Variants in ESPNL observed in about 807,000 individuals in gnomAD.
ESPNL encodes espin-like protein.
ESPNL carries 49 observed loss-of-function variants against 46.8 expected under a neutral mutation model. That is an observed-to-expected ratio of 1.05 (90% CI 0.83 to 1.33). ESPNL has a LOEUF of 1.33. ESPNL is among the 40% of genes most tolerant of loss of function. The pLI, the probability that ESPNL is intolerant of heterozygous loss-of-function variation, is 0.00. For missense variants in ESPNL, 1,540 were observed against 1,436.6 expected (o/e 1.07, Z -1.16); for synonymous variants, 664 against 662.1 (o/e 1.00, Z -0.04).
chr2:238,102,623 C>T (rs1254570805), intron 2 of ESPNL, among the ~76,000 whole-genome samples: 1 of 152,244 alleles, frequency 6.6e-6, no homozygotes, highest in African/African-American at 2.4e-5. Context: ...CTGGCCTCAT[C>T]GTCTCTGGGG....
chr2:238,115,549 G>A (rs80151374), intron 4 of ESPNL, among the ~76,000 whole-genome samples: 1,744 of 152,326 alleles, frequency 0.011, 35 homozygotes, highest in African/African-American at 0.04. Context: ...ATTTACTCAC[G>A]GCATGGCACA....
chr2:238,131,340 A>C lies in ESPNL; in HGVS notation c.2626A>C (p.Lys876Gln), dbSNP rs149541007. Residue 876 changes from lysine (K) to glutamine (Q), a missense_variant, in exon 9 of 9, where the codon AAG becomes CAG. Physicochemically the swap from Lys to Gln is moderately conservative, Grantham distance 53 (BLOSUM62 1). Transcript: ENST00000343063. The stretch of plus-strand genomic sequence containing the variant: ...GTGCGACCTGCCGGCGGAGGAGCGG[A>C]AGCTGCGCCACCTGCTGTGCTTCGA... ...LECDLPAEER[K>Q]LRHLLCFEVF... 6.3e-7 allele frequency: 1 copy of C among 1,593,268 alleles called. No individual in the cohort carries two copies. The highest frequency in any genetic ancestry group is 1.3e-5 in the African/African-American group (1 of 74,588).
intron 7 of ESPNL, among the ~76,000 whole-genome samples, chr2:238,128,158 C>T (rs1287792124): frequency 6.6e-6 from 1 of 152,214 alleles, no homozygotes; most frequent in African/African-American, 2.4e-5. Context: ...CTTACTCTCC[C>T]TTTCCTGGGC....
At position 238,131,801 on chromosome 2, in the gene ESPNL, G is replaced by A; in HGVS notation, c.*69G>A. The A allele has an allele frequency of 6.6e-7, 1 of 1,505,344 alleles. No homozygotes were observed. The highest frequency in any genetic ancestry group is 1.4e-5 in the African/African-American group (1 of 71,900). 93.2% of individuals were successfully genotyped at this position (1,505,344 alleles called of 1,614,324 possible). On this transcript the variant is annotated 3_prime_UTR_variant, in exon 9 of 9. Coordinates refer to ENST00000343063, the MANE Select transcript of ESPNL (RefSeq NM_194312.4). Reference sequence around the variant, plus strand: ...TTGGAGTTTCTCTTTTCTTTTCCTTGCTCACACCCTTGGTGTTCAGGTGAG... The same window carrying A: ...TTGGAGTTTCTCTTTTCTTTTCCTTACTCACACCCTTGGTGTTCAGGTGAG...
chr2:238,104,294 C>T (rs547747195), intron 2 of ESPNL, among the ~76,000 whole-genome samples: 11 of 152,196 alleles, frequency 7.2e-5, no homozygotes, highest in Non-Finnish European at 1.2e-4. Context: ...AGGCACCCAG[C>T]GCCACCTGCC....
Position 238,131,655 on chromosome 2 carries a change from G to A in ESPNL, c.2941G>A (p.Asp981Asn). 5 of 1,606,506 alleles carry A rather than the reference G, an allele frequency of 3.1e-6. No individual in the cohort carries two copies. Among genetic ancestry groups the A allele is most frequent in the Non-Finnish European group, 4.3e-6 (5 of 1,174,678 alleles). Residue 981 changes from aspartate (D) to asparagine (N), a missense_variant, in exon 9 of 9, where the codon GAC (aspartate) becomes AAC (asparagine). Physicochemically the swap from Asp to Asn is conservative, Grantham distance 23. Coordinates refer to ENST00000343063, the MANE Select transcript of ESPNL (RefSeq NM_194312.4). ...RSQQGSFNGE[D>N]ICGYINRSFA... ...CCAGCAGGGCAGCTTCAACGGTGAG[G>A]ACATCTGCGGCTACATCAACCGCAG...
chr2:238,104,784 G>A lies in ESPNL; in HGVS notation c.614G>A (p.Gly205Asp). 1 of 1,591,798 alleles carries A rather than the reference G, an allele frequency of 6.3e-7. No individual in the cohort carries two copies. Among genetic ancestry groups the A allele is most frequent in the Non-Finnish European group, 8.5e-7 (1 of 1,171,354 alleles). Reference protein sequence around the residue: ...GADVHLRALDGMSALHAAAAR... With the variant: ...GADVHLRALDDMSALHAAAAR... ...GACGTGCACCTTCGTGCTCTCGATG[G>A]CATGAGCGCCCTGCACGCTGCCGCC... The change falls in exon 3 of 9, where the codon GGC becomes GAC. Residue 205 changes from glycine (G) to aspartate (D), a missense_variant. By Grantham distance (94) the Gly-to-Asp change is moderately conservative. Transcript: ENST00000343063.
chr2:238,128,629 C>A (rs1692197383), intron 7 of ESPNL, 78 bp from the exon 8 acceptor site: 3 of 1,438,802 alleles, frequency 2.1e-6, no homozygotes, highest in African/African-American at 2.8e-5. Context: ...AGCCAACCCC[C>A]CACGTCCTCT....
intron 5 of ESPNL, among the ~76,000 whole-genome samples, chr2:238,119,252 TGGA>T (rs1382016564): frequency 2.2e-4 from 24 of 107,540 alleles, no homozygotes; most frequent in Middle Eastern, 6.5e-3. Context: ...AGAGGATGGA[TGGA>T]GGAGAAATGG....
chr2:238,101,959 G>T lies in ESPNL; in HGVS notation c.313G>T (p.Val105Phe). 2 of 1,609,140 alleles carry T rather than the reference G, an allele frequency of 1.2e-6. No homozygotes were observed. Among genetic ancestry groups the T allele is most frequent in the Non-Finnish European group, 1.7e-6 (2 of 1,179,310 alleles). Residue 105 changes from valine (V) to phenylalanine (F), a missense_variant, in exon 2 of 9, where the codon GTC (valine) becomes TTC (phenylalanine). Coordinates refer to ENST00000343063, the MANE Select transcript of ESPNL (RefSeq NM_194312.4). ...CGLQDQDASG[V>F]SPLHLAARFG... ...TTGGTAGGACCAAGATGCCTCGGGC[G>T]TCTCCCCGCTGCACCTGGCCGCCCG...
At chr2:238,107,460 C>T (rs991915888) in intron 3 of ESPNL, among the ~76,000 whole-genome samples, 1 of 141,574 alleles carries the variant, frequency 7.1e-6, no homozygotes, top group Non-Finnish European at 1.5e-5. Context: ...TCCCTTCCTT[C>T]TCTCCTCTCC....
intron 4 of ESPNL, among the ~76,000 whole-genome samples, chr2:238,109,413 G>A (rs1691668783): frequency 6.6e-6 from 1 of 152,174 alleles, no homozygotes. Flanking sequence ...ACACAACAGC[G>A]TGTCATCACC....
chr2:238,111,217 G>A (rs1302417629), intron 4 of ESPNL, among the ~76,000 whole-genome samples: 5 of 152,070 alleles, frequency 3.3e-5, no homozygotes, highest in South Asian at 2.1e-4. Context: ...ATGAGCTACC[G>A]TGCCCGGCCT....
Position 238,100,692 on chromosome 2 carries a change from C to T in ESPNL, c.273C>T (p.Arg91=), listed in dbSNP as rs1294466675. Residue 91 remains arginine (R), a synonymous_variant, in exon 1 of 9, where the codon CGC becomes CGT. Transcript: ENST00000343063. ...GSLAELCWLV[R]EGGCGLQDQD... ...TGGCCGAGCTGTGCTGGCTGGTCCG[C>T]GAGGGGGGCTGCGGTCTGCAGGTGA... The T allele has an allele frequency of 9.8e-6, 14 of 1,430,472 alleles. No homozygotes were observed. The highest frequency in any genetic ancestry group is 9.0e-5 in the African/African-American group (6 of 66,470). The allele number at this position is 1,430,472 out of a possible 1,614,324, so 88.6% of individuals were successfully genotyped here. A position where few individuals can be genotyped will look rare whatever the true frequency, so the allele number is the denominator to read the frequency against.
rs745434320 is a variant in ESPNL, at chr2:238,101,979, C to T, written c.333C>T (p.Ala111=). 3.1e-5 allele frequency: 50 copies of T among 1,610,372 alleles called. 2 individuals carry two copies. The highest frequency in any genetic ancestry group is 7.7e-5 in the South Asian group (7 of 90,856). ...CGGGCGTCTCCCCGCTGCACCTGGCCGCCCGTTTTGGACACCCAGTGCTGG... is the reference window on the plus strand; with the variant it reads ...CGGGCGTCTCCCCGCTGCACCTGGCTGCCCGTTTTGGACACCCAGTGCTGG... ...DASGVSPLHL[A]ARFGHPVLVE... The change falls in exon 2 of 9, where the codon GCC becomes GCT. Residue 111 remains alanine (A), a synonymous_variant. Transcript: ENST00000343063.
chr2:238,102,274 G>A (rs1691503345), intron 2 of ESPNL, 143 bp downstream of exon 2: 3 of 735,458 alleles, frequency 4.1e-6, no homozygotes, highest in South Asian at 1.9e-5. Context: ...GTGGGGGTGA[G>A]CTGGCAGGAG....
rs1296660328 is a variant in ESPNL at position 238,128,892 on chromosome 2, C to T, written c.1401C>T (p.Ser467=). ...KLQARLGAES[S]AEAQDNGGSS... ...AGGCGCGCCTGGGCGCAGAGAGCTCCGCAGAGGCCCAGGTAGGCCCCCGGC... is the reference window on the plus strand; with the variant it reads ...AGGCGCGCCTGGGCGCAGAGAGCTCTGCAGAGGCCCAGGTAGGCCCCCGGC... Residue 467 remains serine, a synonymous_variant, in exon 8 of 9, where the codon TCC becomes TCT. Coordinates refer to ENST00000343063, the MANE Select transcript of ESPNL (RefSeq NM_194312.4). 6 of 1,541,506 alleles carry T rather than the reference C, an allele frequency of 3.9e-6. No homozygotes were observed. Among genetic ancestry groups the T allele is most frequent in the Admixed American group, 3.9e-5 (2 of 50,924 alleles).
In ESPNL at chr2:238,102,086, G is replaced by T. The variant is rs1264981344; in HGVS notation, c.440G>T (p.Ser147Ile). 1 of 1,575,488 alleles carries T rather than the reference G, an allele frequency of 6.3e-7. No individual in the cohort carries two copies. The highest frequency in any genetic ancestry group is 8.6e-7 in the Non-Finnish European group (1 of 1,162,644). Residue 147 changes from serine to isoleucine, a missense_variant, in exon 2 of 9, where the codon AGT becomes ATT. Coordinates refer to ENST00000343063, the MANE Select transcript of ESPNL (RefSeq NM_194312.4). ...GARPLHHAAV[S>I]GDLTCLKLLT... ...CGGCCGCTGCACCACGCTGCCGTCA[G>T]TGGGGACCTGACCTGCCTCAAGCTC...
chr2:238,112,267 C>G (rs184970752), intron 4 of ESPNL, among the ~76,000 whole-genome samples: 285 of 152,078 alleles, frequency 1.9e-3, no homozygotes, highest in African/African-American at 6.7e-3. Context: ...TAGAAATGTT[C>G]TAGGAATCAA....
Sources: allele counts gnomAD v4.1 joint callset (sites outside exome capture counted in the v4.1 genomes callset), GRCh38; gene constraint gnomAD v4.1.1; transcripts MANE v1.5; gene names NCBI Gene and HGNC (gene_info 2026-07-23, HGNC 2026-07-21).